EEFSEC: variants seen among roughly 807,000 people sequenced by gnomAD.
The protein encoded by EEFSEC is selenocysteine-specific elongation factor.
A neutral mutation model predicts 42.1 loss-of-function variants in EEFSEC; 43 were observed. The ratio of observed to expected loss-of-function variants is 1.02; its 90% CI spans 0.80 to 1.32. The LOEUF is 1.32. Ranked by LOEUF, EEFSEC falls within the 40% of genes most tolerant of loss-of-function variation. The pLI is 0.00. For missense variants in EEFSEC, 745 were observed against 803.6 expected (o/e 0.93, Z 0.88); for synonymous variants, 354 against 339.1 (o/e 1.04, Z -0.48).
intron 4 of EEFSEC, among the ~76,000 whole-genome samples, chr3:128,302,413 G>A (rs1441824610): frequency 6.6e-6 from 1 of 152,132 alleles, no homozygotes; most frequent in Admixed American, 6.5e-5. Context: ...TGGTAGGAGA[G>A]GTTGATCCTG....
intron 4 of EEFSEC, among the ~76,000 whole-genome samples, chr3:128,292,429 A>G (rs555735037): frequency 6.6e-6 from 1 of 151,956 alleles, no homozygotes; most frequent in Admixed American, 6.5e-5. Flanking sequence ...TAATTCGCCA[A>G]TGAAGCTATG....
At chr3:128,281,151 G>C (rs1239664954) in intron 4 of EEFSEC, among the ~76,000 whole-genome samples, 2 of 152,202 alleles carry the variant, frequency 1.3e-5, no homozygotes, top group Non-Finnish European at 2.9e-5. Flanking sequence ...TAACAGGTGA[G>C]GGGAATCCAA....
At chr3:128,230,970 A>C (rs1230301843) in intron 1 of EEFSEC, among the ~76,000 whole-genome samples, 3 of 152,108 alleles carry the variant, frequency 2.0e-5, no homozygotes, top group African/African-American at 7.2e-5. Context: ...GGCCGGTGGA[A>C]CTAATTTATG....
intron 4 of EEFSEC, among the ~76,000 whole-genome samples, chr3:128,329,649 C>G (rs1235198677): frequency 1.3e-5 from 2 of 152,160 alleles, no homozygotes; most frequent in South Asian, 4.1e-4. Context: ...CATCGGGCCT[C>G]TAGGCCATGA....
intron 1 of EEFSEC, among the ~76,000 whole-genome samples, chr3:128,242,611 G>C (rs1456944185): frequency 6.6e-6 from 1 of 152,082 alleles, no homozygotes; most frequent in Non-Finnish European, 1.5e-5. Context: ...GTCCCAAAAG[G>C]AAAATTACAC....
intron 1 of EEFSEC, among the ~76,000 whole-genome samples, chr3:128,184,248 A>T (rs966116340): frequency 6.6e-6 from 1 of 152,238 alleles, no homozygotes; most frequent in African/African-American, 2.4e-5. Flanking sequence ...CATTAAGTAC[A>T]TGCATATTGT....
At chr3:128,225,634 C>G (rs6775988) in intron 1 of EEFSEC, among the ~76,000 whole-genome samples, 107,811 of 152,112 alleles carry the variant, frequency 0.71, 38,439 homozygotes, top group East Asian at 0.89. Context: ...ATAATGTTGT[C>G]TTTATCTGCC....
chr3:128,285,743 G>A (rs538531601), intron 4 of EEFSEC, among the ~76,000 whole-genome samples: 1 of 152,056 alleles, frequency 6.6e-6, no homozygotes, highest in South Asian at 2.1e-4. Context: ...CCTGTCCAGC[G>A]TCAGGCCAGT....
chr3:128,175,735 C>G (rs1253111320), intron 1 of EEFSEC, among the ~76,000 whole-genome samples: 3 of 152,210 alleles, frequency 2.0e-5, no homozygotes, highest in Non-Finnish European at 4.4e-5. Context: ...CCTGCTGGGC[C>G]TCTTTTTCAG....
At chr3:128,210,324 G>C (rs1292840107) in intron 1 of EEFSEC, among the ~76,000 whole-genome samples, 1 of 152,224 alleles carries the variant, frequency 6.6e-6, no homozygotes, top group African/African-American at 2.4e-5. Context: ...AGTTGGCAGA[G>C]AGGCACGCTG....
chr3:128,388,473 T>C (rs1196368613), intron 6 of EEFSEC, among the ~76,000 whole-genome samples: 1 of 152,220 alleles, frequency 6.6e-6, no homozygotes, highest in Admixed American at 6.5e-5. Context: ...GGGTCCACGC[T>C]CTGTAACTGC....
At chr3:128,403,257 T>C (rs1467909130) in intron 6 of EEFSEC, among the ~76,000 whole-genome samples, 1 of 151,824 alleles carries the variant, frequency 6.6e-6, no homozygotes, top group Non-Finnish European at 1.5e-5. Context: ...GGATTGGCAA[T>C]GACAGCAGCC....
Position 128,408,079 on chromosome 3 carries a change from C to T in EEFSEC, c.1611C>T (p.Ser537=), listed in dbSNP as rs750748365. 5 of 1,576,170 alleles carry T rather than the reference C, an allele frequency of 3.2e-6. No individual in the cohort carries two copies. Among genetic ancestry groups the T allele is most frequent in the Non-Finnish European group, 4.3e-6 (5 of 1,161,122 alleles). ...TTCTGTGCCTTGCAGGTGGCCTCAG[C>T]CCCGAGTCCAAGAAGATCCTGACAC... ...KFKIHIPGGL[S]PESKKILTPA... The change falls in exon 7 of 7, where the codon AGC becomes AGT. Residue 537 remains serine, a synonymous_variant. Transcript: ENST00000254730.
intron 4 of EEFSEC, among the ~76,000 whole-genome samples, chr3:128,274,651 G>C (rs534778450): frequency 6.6e-6 from 1 of 152,216 alleles, no homozygotes; most frequent in South Asian, 2.1e-4. Flanking sequence ...GTGCTTTTGG[G>C]TGGAATTAAA....
chr3:128,417,221 C>T, the EEFSEC span, among the ~76,000 whole-genome samples: 1 of 152,100 alleles, frequency 6.6e-6, no homozygotes, highest in African/African-American at 2.4e-5. This position sits in a 1 kb window ranked among gnomAD's most constrained non-coding sequence, Gnocchi z 4.3. Context: ...TGTTGTAAAC[C>T]CTCTCGCCCG....
intron 4 of EEFSEC, among the ~76,000 whole-genome samples, chr3:128,289,716 C>A (rs2066623222): frequency 6.6e-6 from 1 of 152,244 alleles, no homozygotes; most frequent in Non-Finnish European, 1.5e-5. Context: ...GCTCACTTCT[C>A]TGCACCGCCC....
At chr3:128,161,351 C>A (rs1006840829) in intron 1 of EEFSEC, among the ~76,000 whole-genome samples, 32 of 152,286 alleles carry the variant, frequency 2.1e-4, no homozygotes, top group African/African-American at 7.2e-4. Context: ...ATGCTGGTAT[C>A]TTGGCTTGGC....
intron 4 of EEFSEC, among the ~76,000 whole-genome samples, chr3:128,289,294 G>A (rs927245237): frequency 3.3e-5 from 5 of 152,184 alleles, no homozygotes; most frequent in Non-Finnish European, 7.3e-5. Context: ...ACCAAGACCT[G>A]GAGGCCACCA....
chr3:128,283,230 C>G (rs1324403580), intron 4 of EEFSEC, among the ~76,000 whole-genome samples: 1 of 152,048 alleles, frequency 6.6e-6, no homozygotes, highest in African/African-American at 2.4e-5. Flanking sequence ...GACAGCCCAG[C>G]AGAAAGCTTG....
Sources: allele counts gnomAD v4.1 joint callset (sites outside exome capture counted in the v4.1 genomes callset), GRCh38; gene constraint gnomAD v4.1.1; non-coding constraint Gnocchi (gnomAD v3.1); transcripts MANE v1.5; gene names NCBI Gene and HGNC (gene_info 2026-07-23, HGNC 2026-07-21).